AFF3: variants seen among roughly 807,000 people sequenced by gnomAD.
The protein encoded by AFF3 is AF4/FMR2 family member 3.
In AFF3, 32 loss-of-function variants were observed where a neutral mutation model predicts 129.7. The observed-to-expected ratio is 0.25, with a 90% confidence interval of 0.19 to 0.33. AFF3 has a LOEUF of 0.33. Among genes scored for constraint, AFF3 ranks in the 10% least tolerant of loss-of-function variants. The probability of loss-of-function intolerance (pLI) is 1.00; values close to 1 mark genes in which losing one functional copy is unlikely to be tolerated. For missense variants in AFF3, 1,373 were observed against 1,592.0 expected, an observed-to-expected ratio of 0.86 and a Z score of 2.34; for synonymous variants, 644 against 635.4, an observed-to-expected ratio of 1.01 and a Z score of -0.20.
chr2:100,117,604 G>T (rs1437598329), intron 2 of AFF3, among the ~76,000 whole-genome samples: 1 of 152,184 alleles, frequency 6.6e-6, no homozygotes, highest in Admixed American at 6.5e-5. Context: ...GAGCGCATAG[G>T]TGTCTATTTC....
rs1211479022 is a variant in AFF3, at chr2:99,547,388, C to T, written c.*4086G>A. On this transcript the variant is annotated 3_prime_UTR_variant, in exon 25 of 25. Coordinates refer to ENST00000672756, the MANE Select transcript of AFF3 (RefSeq NM_001386135.1). The stretch of plus-strand genomic sequence containing the variant: ...AATTAAGTCACAATAATATCCTGTA[C>T]ATGCATTAAGGCTGGTGACTGCTAA... The T allele has an allele frequency of 4.6e-6, 1 of 217,506 alleles. No individual in the cohort carries two copies. Among genetic ancestry groups the T allele is most frequent in the Non-Finnish European group, 9.3e-6 (1 of 107,888 alleles). The allele number at this position is 217,506 out of a possible 1,614,324, so 13.5% of individuals were successfully genotyped here. A position where few individuals can be genotyped will look rare whatever the true frequency, so the allele number is the denominator to read the frequency against.
chr2:99,810,641 A>AGTGTGT (rs58509014), intron 8 of AFF3, among the ~76,000 whole-genome samples: 3 of 151,064 alleles, frequency 2.0e-5, no homozygotes, highest in African/African-American at 7.3e-5. Flanking sequence ...CAAGTGTGTG[A>AGTGTGT]GTGTGTGTGT....
At chr2:99,699,845 C>A (rs150941186) in intron 11 of AFF3, among the ~76,000 whole-genome samples, 1 of 152,304 alleles carries the variant, frequency 6.6e-6, no homozygotes, top group Non-Finnish European at 1.5e-5. Flanking sequence ...TGGGCAACTG[C>A]TGAAAGGGAA....
At chr2:100,129,505 A>G (rs1692334272) in intron 1 of AFF3, among the ~76,000 whole-genome samples, 199 bp from the exon 2 acceptor site, 1 of 151,958 alleles carries the variant, frequency 6.6e-6, no homozygotes, top group Non-Finnish European at 1.5e-5. Context: ...AGGAACCCAA[A>G]GGGGCCTGTG....
At chr2:99,613,543 G>A (rs1558646696) in intron 13 of AFF3, among the ~76,000 whole-genome samples, 2 of 151,860 alleles carry the variant, frequency 1.3e-5, no homozygotes, top group African/African-American at 4.8e-5. Flanking sequence ...TAAAAGCATG[G>A]TATCTATTAT....
At chr2:100,080,591 A>C (rs1688970125) in intron 4 of AFF3, among the ~76,000 whole-genome samples, 1 of 151,948 alleles carries the variant, frequency 6.6e-6, no homozygotes, top group Admixed American at 6.6e-5. Flanking sequence ...TCTATTAGCA[A>C]AAAAAATATA....
intron 12 of AFF3, among the ~76,000 whole-genome samples, chr2:99,655,831 A>G (rs1372612531): frequency 6.6e-6 from 1 of 152,208 alleles, no homozygotes. Context: ...AGGAAGCGAC[A>G]AAGTTTGAGG....
rs1553394536 is a variant in AFF3 at position 99,592,932 on chromosome 2, TC to T, written c.2466+262del. 6.2e-3 allele frequency among the ~76,000 whole-genome samples: 322 copies of T among 51,554 alleles called. 5 individuals carry two copies. Among genetic ancestry groups the T allele is most frequent in the African/African-American group, 0.016 (236 of 14,830 alleles). 33.8% of individuals were successfully genotyped at this position (51,554 alleles called of 152,430 possible). A position where few individuals can be genotyped will look rare whatever the true frequency, so the allele number is the denominator to read the frequency against. Reference sequence around the variant, plus strand: ...GCTTGGGCGACAGAGTGAGACTCCCTCCCCCCCCCCCAAAAAAAGGGATAAT... The same window carrying T: ...GCTTGGGCGACAGAGTGAGACTCCCTCCCCCCCCCCAAAAAAAGGGATAAT... On this transcript the variant is annotated intron_variant, in intron 15 of 24. Transcript: ENST00000672756.
chr2:100,139,500 A>G (rs1180174539), intron 1 of AFF3, among the ~76,000 whole-genome samples: 2 of 152,186 alleles, frequency 1.3e-5, no homozygotes, highest in Non-Finnish European at 2.9e-5. Flanking sequence ...TTATTGCAGG[A>G]GTCTAGTTGT....
At chr2:99,815,288 G>C (rs767474211) in intron 8 of AFF3, among the ~76,000 whole-genome samples, 36 of 152,170 alleles carry the variant, frequency 2.4e-4, no homozygotes, top group Non-Finnish European at 4.0e-4. Flanking sequence ...ACCATTTCTA[G>C]GTGTACAGTT....
intron 4 of AFF3, among the ~76,000 whole-genome samples, chr2:100,041,184 GGGCCT>G (rs1685397059): frequency 6.6e-6 from 1 of 152,178 alleles, no homozygotes; most frequent in Non-Finnish European, 1.5e-5. Context: ...GCTACTAAAT[GGGCCT>G]CATTGCAAAG....
chr2:100,117,247 T>C (rs1691768732), intron 2 of AFF3, among the ~76,000 whole-genome samples: 1 of 152,206 alleles, frequency 6.6e-6, no homozygotes, highest in African/African-American at 2.4e-5. Context: ...TTCCTCTTCT[T>C]CTGAGACTTC....
intron 4 of AFF3, among the ~76,000 whole-genome samples, chr2:100,039,701 T>C (rs1685266216): frequency 6.6e-6 from 1 of 152,176 alleles, no homozygotes; most frequent in African/African-American, 2.4e-5. Context: ...TACATCCATA[T>C]GCCTTCGCTC....
At chr2:99,903,101 A>G (rs1305448883) in intron 7 of AFF3, among the ~76,000 whole-genome samples, 2 of 152,190 alleles carry the variant, frequency 1.3e-5, no homozygotes, top group Non-Finnish European at 2.9e-5. Flanking sequence ...GCATATATGT[A>G]TAATATTATT....
At chr2:99,638,509 C>A (rs1313959899) in intron 13 of AFF3, among the ~76,000 whole-genome samples, 1 of 151,358 alleles carries the variant, frequency 6.6e-6, no homozygotes, top group Admixed American at 6.6e-5. Flanking sequence ...GTCACAGACA[C>A]CTGGCTAAGG....
intron 8 of AFF3, among the ~76,000 whole-genome samples, chr2:99,773,826 A>C (rs190501699): frequency 6.6e-6 from 1 of 152,324 alleles, no homozygotes; most frequent in Admixed American, 6.5e-5. Flanking sequence ...ATATCTAGAA[A>C]ACCCCATCGT....
chr2:99,940,626 C>T (rs989080889), intron 7 of AFF3, among the ~76,000 whole-genome samples: 3 of 152,178 alleles, frequency 2.0e-5, no homozygotes, highest in East Asian at 1.9e-4. Flanking sequence ...TAAGGGGAGG[C>T]ATGAATAATC....
intron 7 of AFF3, among the ~76,000 whole-genome samples, chr2:99,969,570 C>A (rs1410781565): frequency 3.9e-5 from 6 of 152,024 alleles, no homozygotes; most frequent in Non-Finnish European, 7.4e-5. Flanking sequence ...CTCACTGCAA[C>A]CTCCGCCTCC....
At chr2:99,975,486 T>C (rs1259657419) in intron 7 of AFF3, among the ~76,000 whole-genome samples, 1 of 152,194 alleles carries the variant, frequency 6.6e-6, no homozygotes, top group Non-Finnish European at 1.5e-5. Context: ...ATATGTAAAC[T>C]TGATACACTG....
Sources: gnomAD v4.1 joint callset for allele counts (sites outside exome capture counted in the v4.1 genomes callset) on GRCh38, gnomAD v4.1.1 for gene constraint, MANE v1.5 for transcripts, NCBI Gene and HGNC (gene_info 2026-07-23, HGNC 2026-07-21) for gene names.